Variants in MARVELD1 observed in about 807,000 individuals in gnomAD.
The protein encoded by MARVELD1 is MARVEL domain-containing protein 1.
In MARVELD1, 7 loss-of-function variants were observed where a neutral mutation model predicts 11.3. That is an observed-to-expected ratio of 0.62 (90% CI 0.35 to 1.16). The LOEUF (loss-of-function observed/expected upper bound fraction) is 1.16, where lower values mean the gene tolerates loss of function less well. MARVELD1 is among the 50% of genes most tolerant of loss of function. The pLI, the probability that MARVELD1 is intolerant of heterozygous loss-of-function variation, is 0.02. For missense variants in MARVELD1, 216 were observed against 243.8 expected (o/e 0.89, Z 0.76); for synonymous variants, 119 against 121.4 (o/e 0.98, Z 0.13).
chr10:97,714,151 C>T lies in MARVELD1; in HGVS notation c.275C>T (p.Ser92Leu), dbSNP rs1165323315. Reference protein sequence around the residue: ...GKHELVPVLGSRWLMVNVAHD... With the variant: ...GKHELVPVLGLRWLMVNVAHD... ...CACGAGCTGGTCCCCGTGCTGGGCT[C>T]GCGCTGGCTCATGGTCAACGTGGCG... The change falls in exon 1 of 2, where the codon TCG (serine) becomes TTG (leucine). Residue 92 changes from serine (S) to leucine (L), a missense_variant. Physicochemically the swap from Ser to Leu is moderately radical, Grantham distance 145. Coordinates refer to ENST00000285605, the MANE Select transcript of MARVELD1 (RefSeq NM_031484.4). The surrounding 1 kb of genome is among the most constrained non-coding windows in gnomAD (Gnocchi z 7.4). 2.6e-6 allele frequency: 4 copies of T among 1,536,908 alleles called. No individual in the cohort carries two copies. The highest frequency in any genetic ancestry group is 3.5e-6 in the Non-Finnish European group (4 of 1,146,700).
At position 97,713,956 on chromosome 10, in the gene MARVELD1, T is replaced by C; in HGVS notation, c.80T>C (p.Leu27Pro). The C allele has an allele frequency of 2.0e-6, 3 of 1,526,926 alleles. No homozygotes were observed. The highest frequency in any genetic ancestry group is 2.6e-6 in the Non-Finnish European group (3 of 1,142,168). The allele number at this position is 1,526,926 out of a possible 1,614,324, so 94.6% of individuals were successfully genotyped here. The change falls in exon 1 of 2, where the codon CTG becomes CCG. Residue 27 changes from leucine to proline, a missense_variant. Leu to Pro is a moderately conservative substitution (Grantham distance 98, BLOSUM62 -3). Transcript: ENST00000285605. This position sits in a 1 kb window ranked among gnomAD's most constrained non-coding sequence, Gnocchi z 5.7. ...RGAVRLQRPF[L>P]RSPLGVLRLL... ...GCGGTGCGCCTGCAGCGGCCCTTCC[T>C]GCGCAGCCCGCTGGGCGTGTTGCGG...
At position 97,714,096 on chromosome 10, in the gene MARVELD1, G is replaced by A. The variant is rs1373436527; in HGVS notation, c.220G>A (p.Gly74Ser). Residue 74 changes from glycine (G) to serine (S), a missense_variant, in exon 1 of 2, where the codon GGC becomes AGC. Transcript: ENST00000285605. This position sits in a 1 kb window ranked among gnomAD's most constrained non-coding sequence, Gnocchi z 7.4. ...CGTGCTCTTCTGGCTGCTCACCCTG[G>A]GCCTCTACTTCCTCACGCTGCTGGG... ...VSVLFWLLTL[G>S]LYFLTLLGKH... 1.3e-6 allele frequency: 2 copies of A among 1,536,918 alleles called. No homozygotes were observed. Among genetic ancestry groups the A allele is most frequent in the Non-Finnish European group, 1.7e-6 (2 of 1,146,714 alleles).
chr10:97,716,182 TC>T (rs1460047800), intron 1 of MARVELD1, among the ~76,000 whole-genome samples, 197 bp downstream of exon 1: 1 of 152,216 alleles, frequency 6.6e-6, no homozygotes, highest in Non-Finnish European at 1.5e-5. Flanking sequence ...TTTTATTTTT[TC>T]TTTCTCTTTT....
chr10:97,716,065 T>C (rs941987092), intron 1 of MARVELD1, 80 bp downstream of exon 1: 1 of 152,224 alleles, frequency 6.6e-6, no homozygotes, highest in Admixed American at 6.5e-5. Flanking sequence ...TTCCAGAAGT[T>C]AAAGGGTTTT....
rs1001960775 is a variant in MARVELD1 at position 97,717,632 on chromosome 10, T to G, written c.*2026T>G. 6.6e-6 allele frequency: 1 copy of G among 152,352 alleles called. No homozygotes were observed. The highest frequency in any genetic ancestry group is 1.5e-5 in the Non-Finnish European group (1 of 68,170). 9.4% of individuals were successfully genotyped at this position (152,352 alleles called of 1,614,324 possible). A position where few individuals can be genotyped will look rare whatever the true frequency, so the allele number is the denominator to read the frequency against. ...TCCTTCTTAGCCCCCCAGCCCCTGG[T>G]GCTGTCTGTGGTCAGGTGACCTTAC... On this transcript the variant is annotated 3_prime_UTR_variant, in exon 2 of 2. Transcript: ENST00000285605.
In MARVELD1 at chr10:97,714,139, C is replaced by G; in HGVS notation, c.263C>G (p.Pro88Arg). ...CTGCTGGGCAAGCACGAGCTGGTCCCCGTGCTGGGCTCGCGCTGGCTCATG... is the reference window on the plus strand; with the variant it reads ...CTGCTGGGCAAGCACGAGCTGGTCCGCGTGCTGGGCTCGCGCTGGCTCATG... ...LTLLGKHELVPVLGSRWLMVN... is the reference protein window; with the variant it reads ...LTLLGKHELVRVLGSRWLMVN... Residue 88 changes from proline (P) to arginine (R), a missense_variant, in exon 1 of 2, where the codon CCC becomes CGC. Transcript: ENST00000285605. The surrounding 1 kb of genome is among the most constrained non-coding windows in gnomAD (Gnocchi z 7.4). 6.5e-7 allele frequency: 1 copy of G among 1,536,992 alleles called. No homozygotes were observed. The highest frequency in any genetic ancestry group is 1.2e-5 in the South Asian group (1 of 84,062).
chr10:97,716,306 T>G (rs1410142275), intron 1 of MARVELD1, among the ~76,000 whole-genome samples: 1 of 152,126 alleles, frequency 6.6e-6, no homozygotes, highest in African/African-American at 2.4e-5. Flanking sequence ...CACCTCAGCC[T>G]CCCGGGTAGC....
rs566062139 is a variant in MARVELD1 at position 97,713,982 on chromosome 10, C to G, written c.106C>G (p.Leu36Val). ...GCGCAGCCCGCTGGGCGTGTTGCGG[C>G]TGCTGCAGCTGCTGGCCGGCGCTGC... Reference protein sequence around the residue: ...FLRSPLGVLRLLQLLAGAAFW... With the variant: ...FLRSPLGVLRVLQLLAGAAFW... Residue 36 changes from leucine to valine, a missense_variant, in exon 1 of 2, where the codon CTG (leucine) becomes GTG (valine). Transcript: ENST00000285605. The surrounding 1 kb of genome is among the most constrained non-coding windows in gnomAD (Gnocchi z 5.7). 182 of 1,534,760 alleles carry G rather than the reference C, an allele frequency of 1.2e-4. No homozygotes were observed. In the African/African-American group the frequency reaches 2.1e-3, roughly 18 times the overall value.
In MARVELD1 at chr10:97,714,695, C is replaced by T. The variant is rs1430592600; in HGVS notation, c.*297C>T. 1 of 381,170 alleles carries T rather than the reference C, an allele frequency of 2.6e-6. No individual in the cohort carries two copies. The highest frequency in any genetic ancestry group is 4.7e-5 in the Admixed American group (1 of 21,080). The allele number at this position is 381,170 out of a possible 1,614,324, so 23.6% of individuals were successfully genotyped here. A position where few individuals can be genotyped will look rare whatever the true frequency, so the allele number is the denominator to read the frequency against. On this transcript the variant is annotated 3_prime_UTR_variant, in exon 1 of 2. Transcript: ENST00000285605. The surrounding 1 kb of genome is among the most constrained non-coding windows in gnomAD (Gnocchi z 7.4). ...GGGCTGACACACACTCGCAGACGAG[C>T]CGCCCCGAGGCGAAACCTCGCGGTT...
In MARVELD1 at chr10:97,715,653, G is replaced by C. The variant is rs1189294588; in HGVS notation, c.*1255G>C. On this transcript the variant is annotated 3_prime_UTR_variant, in exon 1 of 2. Transcript: ENST00000285605. ...TGTCCCGGCTCTCATTCATGCCGAA[G>C]GGCCCAACCCATTGGCTGTGTTCTG... 2.0e-5 allele frequency: 3 copies of C among 152,396 alleles called. No individual in the cohort carries two copies. The East Asian group carries it at 5.8e-4, about 29-fold the overall frequency. The allele number at this position is 152,396 out of a possible 1,614,324, so 9.4% of individuals were successfully genotyped here.
intron 1 of MARVELD1, among the ~76,000 whole-genome samples, chr10:97,716,350 A>G (rs2041912313): frequency 6.6e-6 from 1 of 151,904 alleles, no homozygotes; most frequent in African/African-American, 2.4e-5. Context: ...ATGCCTGGCT[A>G]GTTTTTAAAT....
In MARVELD1 at chr10:97,714,313, G is replaced by C; in HGVS notation, c.437G>C (p.Cys146Ser). 1 of 1,536,074 alleles carries C rather than the reference G, an allele frequency of 6.5e-7. No homozygotes were observed. The change falls in exon 1 of 2, where the codon TGC becomes TCC. Residue 146 changes from cysteine (C) to serine (S), a missense_variant. Cys to Ser is a moderately radical substitution (Grantham distance 112, BLOSUM62 -1). Transcript: ENST00000285605. This position sits in a 1 kb window ranked among gnomAD's most constrained non-coding sequence, Gnocchi z 7.4. Reference protein sequence around the residue: ...AYHAFLAAAVCGGVCHGLYLL... With the variant: ...AYHAFLAAAVSGGVCHGLYLL... ...CACGCCTTCCTGGCGGCCGCCGTCTGCGGCGGCGTCTGCCACGGCCTCTAC... is the reference window on the plus strand; with the variant it reads ...CACGCCTTCCTGGCGGCCGCCGTCTCCGGCGGCGTCTGCCACGGCCTCTAC...
chr10:97,714,185 G>A lies in MARVELD1; in HGVS notation c.309G>A (p.Val103=), dbSNP rs1374251651. The A allele has an allele frequency of 6.5e-7, 1 of 1,536,480 alleles. No individual in the cohort carries two copies. Among genetic ancestry groups the A allele is most frequent in the Non-Finnish European group, 8.7e-7 (1 of 1,146,592 alleles). The change falls in exon 1 of 2, where the codon GTG becomes GTA. Residue 103 remains valine, a synonymous_variant. Coordinates refer to ENST00000285605, the MANE Select transcript of MARVELD1 (RefSeq NM_031484.4). The surrounding 1 kb of genome is among the most constrained non-coding windows in gnomAD (Gnocchi z 7.4). ...TCATGGTCAACGTGGCGCACGATGTGCTGGCGGCCGCGCTCTACGGCGCCG... is the reference window on the plus strand; with the variant it reads ...TCATGGTCAACGTGGCGCACGATGTACTGGCGGCCGCGCTCTACGGCGCCG... ...RWLMVNVAHD[V]LAAALYGAAT...
Position 97,714,661 on chromosome 10 carries a change from C to CG in MARVELD1, c.*264dup. The CG allele has an allele frequency of 2.2e-6, 1 of 449,568 alleles. No individual in the cohort carries two copies. The highest frequency in any genetic ancestry group is 3.9e-6 in the Non-Finnish European group (1 of 256,094). The allele number at this position is 449,568 out of a possible 1,614,324, so 27.8% of individuals were successfully genotyped here. A position where few individuals can be genotyped will look rare whatever the true frequency, so the allele number is the denominator to read the frequency against. The stretch of plus-strand genomic sequence containing the variant: ...CGTCTCCCGGGACAAGCGCAGGCTG[C>CG]GATCCGAGGGGCTGACACACACTCG... On this transcript the variant is annotated 3_prime_UTR_variant, in exon 1 of 2. Transcript: ENST00000285605. This position sits in a 1 kb window ranked among gnomAD's most constrained non-coding sequence, Gnocchi z 7.4.
rs187491162 is a variant in MARVELD1, at chr10:97,713,938, G to C, written c.62G>C (p.Arg21Pro). The C allele has an allele frequency of 3.3e-5, 46 of 1,405,898 alleles. No homozygotes were observed. The East Asian group carries it at 1.3e-3, about 41-fold the overall frequency. 87.1% of individuals were successfully genotyped at this position (1,405,898 alleles called of 1,614,324 possible). A position where few individuals can be genotyped will look rare whatever the true frequency, so the allele number is the denominator to read the frequency against. Reference sequence around the variant, plus strand: ...GCGCGTGCGGCCCGCGGCGCGGTGCGCCTGCAGCGGCCCTTCCTGCGCAGC... The same window carrying C: ...GCGCGTGCGGCCCGCGGCGCGGTGCCCCTGCAGCGGCCCTTCCTGCGCAGC... ...PQARAARGAV[R>P]LQRPFLRSPL... Residue 21 changes from arginine (R) to proline (P), a missense_variant, in exon 1 of 2, where the codon CGC (arginine) becomes CCC (proline). Arg to Pro is a moderately radical substitution (Grantham distance 103). Coordinates refer to ENST00000285605, the MANE Select transcript of MARVELD1 (RefSeq NM_031484.4). The surrounding 1 kb of genome is among the most constrained non-coding windows in gnomAD (Gnocchi z 5.7).
rs1280982553 is a variant in MARVELD1, at chr10:97,715,232, C to G, written c.*834C>G. On this transcript the variant is annotated 3_prime_UTR_variant, in exon 1 of 2. Transcript: ENST00000285605. ...CTTCCTCACAGGCTTCTGCCGCCCC[C>G]CTCATCTCCACCCTCCCCCATATCT... 6.6e-6 allele frequency: 1 copy of G among 152,466 alleles called. No individual in the cohort carries two copies. Among genetic ancestry groups the G allele is most frequent in the Non-Finnish European group, 1.5e-5 (1 of 68,208 alleles). The allele number at this position is 152,466 out of a possible 1,614,324, so 9.4% of individuals were successfully genotyped here. A position where few individuals can be genotyped will look rare whatever the true frequency, so the allele number is the denominator to read the frequency against.
At position 97,714,776 on chromosome 10, in the gene MARVELD1, G is replaced by T. The variant is rs2041899464; in HGVS notation, c.*378G>T. On this transcript the variant is annotated 3_prime_UTR_variant, in exon 1 of 2. Coordinates refer to ENST00000285605, the MANE Select transcript of MARVELD1 (RefSeq NM_031484.4). This position sits in a 1 kb window ranked among gnomAD's most constrained non-coding sequence, Gnocchi z 7.4. ...TGGACAGGGGCCGCGCAGATCCGGGGGAGGCTCCCAAATTGGAACCAGGCT... is the reference window on the plus strand; with the variant it reads ...TGGACAGGGGCCGCGCAGATCCGGGTGAGGCTCCCAAATTGGAACCAGGCT... 5.3e-6 allele frequency: 1 copy of T among 188,356 alleles called. No individual in the cohort carries two copies. The highest frequency in any genetic ancestry group is 1.1e-5 in the Non-Finnish European group (1 of 92,998). 11.7% of individuals were successfully genotyped at this position (188,356 alleles called of 1,614,324 possible). A position where few individuals can be genotyped will look rare whatever the true frequency, so the allele number is the denominator to read the frequency against.
At chr10:97,716,764 A>G (rs2041915171) in intron 1 of MARVELD1, among the ~76,000 whole-genome samples, 1 of 152,118 alleles carries the variant, frequency 6.6e-6, no homozygotes, top group Admixed American at 6.5e-5. Context: ...GGTGGGTTCT[A>G]ATGTCATTGC....
chr10:97,714,400 G>A lies in MARVELD1; in HGVS notation c.*2G>A, dbSNP rs2041895574. 4.0e-6 allele frequency: 6 copies of A among 1,494,862 alleles called. No individual in the cohort carries two copies. In the South Asian group the frequency reaches 6.4e-5, roughly 16 times the overall value. The allele number at this position is 1,494,862 out of a possible 1,614,324, so 92.6% of individuals were successfully genotyped here. On this transcript the variant is annotated 3_prime_UTR_variant, in exon 1 of 2. Coordinates refer to ENST00000285605, the MANE Select transcript of MARVELD1 (RefSeq NM_031484.4). The surrounding 1 kb of genome is among the most constrained non-coding windows in gnomAD (Gnocchi z 7.4). Reference sequence around the variant, plus strand: ...CAGGGCAAGCAGGAGGTGGCGTGAGGCCGCCCGCGCCCGCCGCGGCCCCGA... The same window carrying A: ...CAGGGCAAGCAGGAGGTGGCGTGAGACCGCCCGCGCCCGCCGCGGCCCCGA...
Sources: allele counts gnomAD v4.1 joint callset (sites outside exome capture counted in the v4.1 genomes callset), GRCh38; gene constraint gnomAD v4.1.1; non-coding constraint Gnocchi (gnomAD v3.1); transcripts MANE v1.5; gene names NCBI Gene and HGNC (gene_info 2026-07-23, HGNC 2026-07-21).